DDR2: variants seen among roughly 807,000 people sequenced by gnomAD.
DDR2 encodes discoidin domain-containing receptor 2.
In DDR2, 27 loss-of-function variants were observed where a neutral mutation model predicts 94.9. The observed-to-expected ratio is 0.28, with a 90% CI of 0.21 to 0.39. The LOEUF is 0.39. Ranked by LOEUF, DDR2 falls within the 10% of genes least tolerant of loss-of-function variation. The pLI, the probability that DDR2 is intolerant of heterozygous loss-of-function variation, is 1.00. For missense variants in DDR2, 783 were observed against 1,076.0 expected (o/e 0.73, Z 3.81); for synonymous variants, 382 against 377.2 (o/e 1.01, Z -0.15).
intron 2 of DDR2, among the ~76,000 whole-genome samples, chr1:162,712,542 C>T (rs1660966462): frequency 6.6e-6 from 1 of 152,040 alleles, no homozygotes; most frequent in South Asian, 2.1e-4. Flanking sequence ...GGCTTTGACA[C>T]ATGGCCTGTC....
At position 162,669,240 on chromosome 1, in the gene DDR2, G is replaced by A. The variant is rs1443269650; in HGVS notation, c.-28+13866G>A. Among the ~76,000 whole-genome samples, 10 of 152,056 alleles carry A rather than the reference G, an allele frequency of 6.6e-5. No homozygotes were observed. In the South Asian group the frequency reaches 8.3e-4, roughly 13 times the overall value. ...AACTTATTAAATTATTACTATAACC[G>A]AATATAACAACTTTTAGATATTTTT... On this transcript the variant is annotated intron_variant, in intron 2 of 17. Transcript: ENST00000367921.
In DDR2 at chr1:162,656,833, G is replaced by GTTTTGTTTTTTTT. The variant is rs1558008740; in HGVS notation, c.-28+1463_-28+1464insGTTTTTTTTTTTT. Among the ~76,000 whole-genome samples the GTTTTGTTTTTTTT allele has an allele frequency of 5.0e-4, 33 of 65,698 alleles. 1 individual carries two copies. Among genetic ancestry groups the GTTTTGTTTTTTTT allele is most frequent in the Non-Finnish European group, 9.6e-4 (32 of 33,380 alleles). 43.1% of individuals were successfully genotyped at this position (65,698 alleles called of 152,430 possible). A position where few individuals can be genotyped will look rare whatever the true frequency, so the allele number is the denominator to read the frequency against. ...GGTCTTTTCTTCCCCTGCCACTGGA[G>GTTTTGTTTTTTTT]TTTTTTTTTTTTTTTTATTTTTTTT... On this transcript the variant is annotated intron_variant, in intron 2 of 17. Coordinates refer to ENST00000367921, the MANE Select transcript of DDR2 (RefSeq NM_006182.4).
intron 2 of DDR2, among the ~76,000 whole-genome samples, chr1:162,671,484 A>C (rs1302362283): frequency 6.6e-6 from 1 of 152,176 alleles, no homozygotes; most frequent in African/African-American, 2.4e-5. Flanking sequence ...AGATGGGGTT[A>C]TTCTAGGTGA....
chr1:162,780,814 A>G lies in DDR2; in HGVS notation c.*568A>G, dbSNP rs1304923485. The G allele has an allele frequency of 6.4e-6, 1 of 155,148 alleles. No individual in the cohort carries two copies. The highest frequency in any genetic ancestry group is 1.4e-5 in the Non-Finnish European group (1 of 69,994). The allele number at this position is 155,148 out of a possible 1,614,324, so 9.6% of individuals were successfully genotyped here. A position where few individuals can be genotyped will look rare whatever the true frequency, so the allele number is the denominator to read the frequency against. ...TCTCTCCTGTCAAAGTGAATGATATATTCTTGAAAACCCCCAATTTCTTGA... is the reference window on the plus strand; with the variant it reads ...TCTCTCCTGTCAAAGTGAATGATATGTTCTTGAAAACCCCCAATTTCTTGA... On this transcript the variant is annotated 3_prime_UTR_variant, in exon 18 of 18. Transcript: ENST00000367921.
chr1:162,727,959 A>ATC (rs1253602602), intron 3 of DDR2, among the ~76,000 whole-genome samples: 31 of 39,956 alleles, frequency 7.8e-4, no homozygotes, highest in Non-Finnish European at 2.2e-3. Context: ...CACTATATAT[A>ATC]TCTATATATA....
At position 162,760,125 on chromosome 1, in the gene DDR2, C is replaced by T; in HGVS notation, c.855+146C>T. The T allele has an allele frequency of 2.8e-6, 3 of 1,066,896 alleles. No individual in the cohort carries two copies. In the South Asian group the frequency reaches 4.3e-5, roughly 15 times the overall value. 66.1% of individuals were successfully genotyped at this position (1,066,896 alleles called of 1,614,324 possible). On this transcript the variant is annotated intron_variant, in intron 8 of 17. Coordinates refer to ENST00000367921, the MANE Select transcript of DDR2 (RefSeq NM_006182.4). ...AACTAGCTAAATGCATTTCACAAGT[C>T]ACTTCATCTCTAAGGGCGTGATTCT... is the stretch of plus-strand genomic sequence containing the variant.
intron 2 of DDR2, among the ~76,000 whole-genome samples, chr1:162,689,941 G>A (rs1033297631): frequency 3.3e-5 from 5 of 150,470 alleles, no homozygotes; most frequent in African/African-American, 4.9e-5. Context: ...CCTTGAACCT[G>A]GGAGGCAGAG....
At chr1:162,662,056 C>T (rs1187128685) in intron 2 of DDR2, among the ~76,000 whole-genome samples, 1 of 152,132 alleles carries the variant, frequency 6.6e-6, no homozygotes, top group African/African-American at 2.4e-5. Flanking sequence ...TTATGTTAAA[C>T]CTTGTTTCTT....
intron 3 of DDR2, among the ~76,000 whole-genome samples, chr1:162,723,399 A>T (rs1383795824): frequency 6.6e-6 from 1 of 151,974 alleles, no homozygotes; most frequent in African/African-American, 2.4e-5. Flanking sequence ...TGGGAAAGAG[A>T]CCCCACAATC....
In DDR2 at chr1:162,786,838, A is replaced by G. The variant is rs1648170897; in HGVS notation, c.*6592A>G. ...ACTGGGATTTTACGTCCTCACATTA[A>G]TTAGTCCAGTTCTGGGGAATCCAGT... On this transcript the variant is annotated 3_prime_UTR_variant, in exon 18 of 18. Coordinates refer to ENST00000367921, the MANE Select transcript of DDR2 (RefSeq NM_006182.4). 1 of 152,244 alleles carries G rather than the reference A, an allele frequency of 6.6e-6. No homozygotes were observed. The highest frequency in any genetic ancestry group is 1.5e-5 in the Non-Finnish European group (1 of 68,044). 9.4% of individuals were successfully genotyped at this position (152,244 alleles called of 1,614,324 possible). A position where few individuals can be genotyped will look rare whatever the true frequency, so the allele number is the denominator to read the frequency against.
chr1:162,702,730 G>A (rs925284574), intron 2 of DDR2, among the ~76,000 whole-genome samples: 11 of 152,212 alleles, frequency 7.2e-5, no homozygotes, highest in African/African-American at 2.7e-4. Flanking sequence ...GAGAGGACAT[G>A]TCTTCCTCAC....
intron 16 of DDR2, among the ~76,000 whole-genome samples, chr1:162,776,764 A>G (rs969502197): frequency 1.1e-4 from 16 of 152,330 alleles, no homozygotes; most frequent in Middle Eastern, 6.8e-3. Context: ...ACTAATTCCT[A>G]TAATTGTATT....
At chr1:162,709,543 G>A (rs886978380) in intron 2 of DDR2, among the ~76,000 whole-genome samples, 10 of 152,152 alleles carry the variant, frequency 6.6e-5, no homozygotes, top group Admixed American at 1.3e-4. Context: ...GGTTTTTACC[G>A]TATGGTTCTA....
chr1:162,774,566 A>G (rs772442319), intron 14 of DDR2, among the ~76,000 whole-genome samples: 3 of 152,206 alleles, frequency 2.0e-5, no homozygotes, highest in Admixed American at 1.3e-4. Context: ...TAAGAATAAA[A>G]AGTGACATTC....
chr1:162,740,493 C>A (rs943081602), intron 3 of DDR2, among the ~76,000 whole-genome samples: 1 of 152,208 alleles, frequency 6.6e-6, no homozygotes, highest in Non-Finnish European at 1.5e-5. Flanking sequence ...AAACCATCAT[C>A]CCTGCAAGAG....
chr1:162,729,298 A>G (rs201866783), intron 3 of DDR2, among the ~76,000 whole-genome samples: 366 of 34,456 alleles, frequency 0.011, 14 homozygotes, highest in African/African-American at 0.024. Flanking sequence ...ATATATATAT[A>G]TATTTTTTTT....
At chr1:162,762,877 C>T (rs1192400993) in intron 9 of DDR2, among the ~76,000 whole-genome samples, 2 of 152,144 alleles carry the variant, frequency 1.3e-5, no homozygotes, top group Middle Eastern at 6.3e-3. Context: ...CGCTCTGTCA[C>T]CCAGGCTGGA....
chr1:162,712,725 A>G (rs1660976347), intron 2 of DDR2, among the ~76,000 whole-genome samples: 1 of 152,138 alleles, frequency 6.6e-6, no homozygotes, highest in Non-Finnish European at 1.5e-5. Context: ...CAAAGGACAT[A>G]TTCTCTCTGA....
chr1:162,752,151 AAAGAG>A (rs1162369088), intron 3 of DDR2, among the ~76,000 whole-genome samples: 1 of 88,994 alleles, frequency 1.1e-5, no homozygotes, highest in Non-Finnish European at 2.5e-5. Context: ...AATAAAAAAA[AAAGAG>A]AAAAGAAAAA....
Sources: gnomAD v4.1 joint callset for allele counts (sites outside exome capture counted in the v4.1 genomes callset) on GRCh38, gnomAD v4.1.1 for gene constraint, MANE v1.5 for transcripts, NCBI Gene and HGNC (gene_info 2026-07-23, HGNC 2026-07-21) for gene names.